Variants in IFT88 observed in about 807,000 individuals in gnomAD.
The protein encoded by IFT88 is intraflagellar transport 88, also known as intraflagellar transport protein 88 homolog.
A neutral mutation model predicts 119.5 loss-of-function variants in IFT88; 74 were observed. That is an observed-to-expected ratio of 0.62 (90% CI 0.51 to 0.75). IFT88 has a LOEUF of 0.75. Among genes scored for constraint, IFT88 ranks in the 30% least tolerant of loss-of-function variants. The pLI, the probability that IFT88 is intolerant of heterozygous loss-of-function variation, is 0.00. For missense variants in IFT88, 961 were observed against 977.7 expected (o/e 0.98, Z 0.23); for synonymous variants, 279 against 316.7 (o/e 0.88, Z 1.26).
chr13:20,681,501 G>A (rs533925733), intron 24 of IFT88, among the ~76,000 whole-genome samples: 18 of 152,334 alleles, frequency 1.2e-4, no homozygotes, highest in African/African-American at 3.6e-4. Context: ...CTGTATCTGC[G>A]TTTGAGACCA....
chr13:20,584,783 C>CAA (rs2039347495), intron 3 of IFT88, among the ~76,000 whole-genome samples: 1 of 152,212 alleles, frequency 6.6e-6, no homozygotes, highest in Non-Finnish European at 1.5e-5. Flanking sequence ...AATGCTGCTT[C>CAA]TCCCTACCTA....
At chr13:20,689,423 C>T (rs1287130415) in intron 24 of IFT88, among the ~76,000 whole-genome samples, 6 of 152,134 alleles carry the variant, frequency 3.9e-5, no homozygotes, top group Non-Finnish European at 8.8e-5. Context: ...TCTGACATTC[C>T]ACAGTATTCC....
intron 1 of IFT88, among the ~76,000 whole-genome samples, chr13:20,569,567 C>T (rs1461689230): frequency 1.5e-5 from 2 of 132,136 alleles, no homozygotes; most frequent in African/African-American, 5.4e-5. Context: ...AGCGAGACTC[C>T]GTCCCAAAAA....
chr13:20,598,864 T>C, intron 10 of IFT88, 111 bp downstream of exon 10: 1 of 640,990 alleles, frequency 1.6e-6, no homozygotes. Context: ...TCTAAACAAA[T>C]CAGTATTTAT....
rs138514390 is a variant in IFT88, at chr13:20,601,202, C to T, written c.813-503C>T. ...CCAGTATGGTGAAACCCCGTCTCTA[C>T]TAAACATACAAAAATTAGCCCGGCG... On this transcript the variant is annotated intron_variant, in intron 11 of 25. Transcript: ENST00000351808. 1.3e-3 allele frequency among the ~76,000 whole-genome samples: 194 copies of T among 152,194 alleles called. 2 individuals are homozygous for T. The highest frequency in any genetic ancestry group is 4.4e-3 in the African/African-American group (182 of 41,516).
intron 2 of IFT88, among the ~76,000 whole-genome samples, chr13:20,574,718 C>T (rs1352380849): frequency 6.6e-5 from 10 of 152,188 alleles, no homozygotes; most frequent in Non-Finnish European, 1.0e-4. Flanking sequence ...TTGTATTCTT[C>T]AGCACTAGCT....
At chr13:20,690,172 TA>T (rs1296909014) in intron 24 of IFT88, among the ~76,000 whole-genome samples, 1 of 152,200 alleles carries the variant, frequency 6.6e-6, no homozygotes, top group Non-Finnish European at 1.5e-5. Flanking sequence ...CTACTCTCAT[TA>T]AAAGTGAGGC....
intron 16 of IFT88, 109 bp downstream of exon 16, chr13:20,631,211 G>C: frequency 1.3e-6 from 1 of 749,832 alleles, no homozygotes. Context: ...GTGGAGAATG[G>C]TAAGTGGACT....
intron 1 of IFT88, among the ~76,000 whole-genome samples, chr13:20,571,232 G>T (rs528031081): frequency 2.0e-5 from 3 of 152,272 alleles, no homozygotes; most frequent in Admixed American, 6.5e-5. Flanking sequence ...CTGACCTCGT[G>T]ATCTGCCTGC....
At chr13:20,679,628 G>A in intron 24 of IFT88, among the ~76,000 whole-genome samples, 1 of 152,140 alleles carries the variant, frequency 6.6e-6, no homozygotes, top group Non-Finnish European at 1.5e-5. Context: ...ATGATGATTA[G>A]GGAGATCAAG....
At chr13:20,645,000 C>A in intron 20 of IFT88, 42 bp downstream of exon 20, 1 of 946,962 alleles carries the variant, frequency 1.1e-6, no homozygotes, top group Non-Finnish European at 1.7e-6. Flanking sequence ...AATGTCATGT[C>A]TTGAGTTTTT....
chr13:20,567,866 T>G, intron 1 of IFT88: 1 of 944,570 alleles, frequency 1.1e-6, no homozygotes, highest in South Asian at 1.9e-5. Flanking sequence ...TTTTTTTTGT[T>G]TGTTTTTTTT....
At position 20,592,419 on chromosome 13, in the gene IFT88, A is replaced by G; in HGVS notation, c.398+15A>G. 6.4e-7 allele frequency: 1 copy of G among 1,568,160 alleles called. No homozygotes were observed. Among genetic ancestry groups the G allele is most frequent in the Non-Finnish European group, 8.6e-7 (1 of 1,156,910 alleles). ...AAAAAAGATAGGTATGTAAGTCCTT[A>G]TGTTGTTGTTTGTTGTTGTTGCTGC... On this transcript the variant is annotated intron_variant, in intron 7 of 25. Coordinates refer to ENST00000351808, the MANE Select transcript of IFT88 (RefSeq NM_006531.5).
chr13:20,602,878 GT>G (rs2042838640), intron 12 of IFT88, among the ~76,000 whole-genome samples: 1 of 150,614 alleles, frequency 6.6e-6, no homozygotes, highest in Non-Finnish European at 1.5e-5. Context: ...GCAAGACTCT[GT>G]CTTGAAAAAA....
intron 1 of IFT88, among the ~76,000 whole-genome samples, chr13:20,573,513 C>T (rs1240994873): frequency 6.6e-6 from 1 of 152,114 alleles, no homozygotes; most frequent in African/African-American, 2.4e-5. Context: ...CATTCTTATA[C>T]AAATCTTTTT....
chr13:20,636,324 T>G (rs1400775211), intron 16 of IFT88, among the ~76,000 whole-genome samples: 6 of 152,234 alleles, frequency 3.9e-5, no homozygotes, highest in Non-Finnish European at 7.3e-5. Flanking sequence ...TCTGAGAATC[T>G]TGTGCCACCA....
chr13:20,679,741 G>A (rs577028480), intron 24 of IFT88, among the ~76,000 whole-genome samples: 1 of 152,260 alleles, frequency 6.6e-6, no homozygotes, highest in East Asian at 1.9e-4. Flanking sequence ...GATTATATTG[G>A]GTTGGCTTAG....
Position 20,656,362 on chromosome 13 carries a change from T to A in IFT88, c.2003-3T>A. ...AATATATTTTTCTCTTGTTTGTTTATAGGTAACTACCAAAAAGCATTAGAT... is the reference window on the plus strand; with the variant it reads ...AATATATTTTTCTCTTGTTTGTTTAAAGGTAACTACCAAAAAGCATTAGAT... On this transcript the variant is annotated splice_polypyrimidine_tract_variant and splice_region_variant and intron_variant, in intron 21 of 25. Transcript: ENST00000351808. The A allele has an allele frequency of 7.3e-7, 1 of 1,378,014 alleles. No homozygotes were observed. The highest frequency in any genetic ancestry group is 1.0e-6 in the Non-Finnish European group (1 of 999,640). The allele number at this position is 1,378,014 out of a possible 1,614,324, so 85.4% of individuals were successfully genotyped here. A position where few individuals can be genotyped will look rare whatever the true frequency, so the allele number is the denominator to read the frequency against.
At chr13:20,569,476 G>C (rs1341133694) in intron 1 of IFT88, among the ~76,000 whole-genome samples, 2 of 151,916 alleles carry the variant, frequency 1.3e-5, no homozygotes, top group Non-Finnish European at 2.9e-5. Flanking sequence ...GAGAGGCTGA[G>C]GCAGGAGAAT....
Sources: allele counts gnomAD v4.1 joint callset (sites outside exome capture counted in the v4.1 genomes callset), GRCh38; gene constraint gnomAD v4.1.1; transcripts MANE v1.5; gene names NCBI Gene and HGNC (gene_info 2026-07-23, HGNC 2026-07-21).